The following IL1RAPL2 variants were observed in gnomAD, a reference collection of about 807,000 sequenced individuals.
The protein encoded by IL1RAPL2 is X-linked interleukin-1 receptor accessory protein-like 2.
Under a neutral mutation model 44.1 loss-of-function variants are expected in IL1RAPL2, and 3 were observed. The observed-to-expected ratio is 0.07, with a 90% CI of 0.03 to 0.18. The LOEUF is 0.18. Ranked by LOEUF, IL1RAPL2 falls within the 10% of genes least tolerant of loss-of-function variation. IL1RAPL2 has a pLI of 1.00. For synonymous variants in IL1RAPL2, 181 were observed against 178.8 expected (o/e 1.01, Z -0.10); for missense variants, 391 against 496.4 (o/e 0.79, Z 2.02).
chrX:104,869,213 T>G (rs1245762229), intron 2 of IL1RAPL2, among the ~76,000 whole-genome samples: 1 of 111,299 alleles, frequency 9.0e-6, no homozygotes, highest in East Asian at 2.8e-4. Context: ...TTTTTTATTT[T>G]TTATTATTTT....
chrX:104,835,354 A>T (rs1308388274), intron 2 of IL1RAPL2, among the ~76,000 whole-genome samples: 1 of 111,163 alleles, frequency 9.0e-6, no homozygotes, highest in Non-Finnish European at 1.9e-5. Context: ...CAGGCTAACT[A>T]AATGGATTTT....
intron 5 of IL1RAPL2, among the ~76,000 whole-genome samples, chrX:105,481,511 G>A (rs191773946): frequency 2.9e-3 from 323 of 112,247 alleles, no homozygotes; most frequent in South Asian, 0.016. Flanking sequence ...CGGAAGATAA[G>A]GGAAGGGGAA....
At chrX:105,675,729 G>T (rs992779922) in intron 6 of IL1RAPL2, among the ~76,000 whole-genome samples, 2 of 111,471 alleles carry the variant, frequency 1.8e-5, no homozygotes, top group African/African-American at 6.5e-5. Flanking sequence ...AGTTTCAGAA[G>T]AAATGGTATC....
chrX:105,523,742 T>C (rs570694766), intron 6 of IL1RAPL2, among the ~76,000 whole-genome samples: 17 of 110,840 alleles, frequency 1.5e-4, no homozygotes, highest in African/African-American at 5.6e-4. Context: ...AACGCTAGGA[T>C]ACATATTTTA....
chrX:104,664,284 T>C (rs1930451109), intron 2 of IL1RAPL2, among the ~76,000 whole-genome samples: 1 of 111,566 alleles, frequency 9.0e-6, no homozygotes. Context: ...CAGGGATCCA[T>C]AGAGGACCTC....
At chrX:105,695,291 G>T (rs2038067941) in intron 6 of IL1RAPL2, among the ~76,000 whole-genome samples, 3 of 111,804 alleles carry the variant, frequency 2.7e-5, no homozygotes, top group South Asian at 7.5e-4. Context: ...ACAAAAAGAG[G>T]TATCGTATTT....
intron 6 of IL1RAPL2, among the ~76,000 whole-genome samples, chrX:105,536,293 A>G (rs965856081): frequency 2.7e-5 from 3 of 110,658 alleles, no homozygotes; most frequent in African/African-American, 9.8e-5. Flanking sequence ...ATGTCATTAA[A>G]TAGTCTTCTT....
intron 2 of IL1RAPL2, among the ~76,000 whole-genome samples, chrX:104,784,282 T>C (rs1932788081): frequency 8.9e-6 from 1 of 112,175 alleles, no homozygotes; most frequent in African/African-American, 3.2e-5. Flanking sequence ...ATTCCACATT[T>C]ATTGGCTGAG....
intron 2 of IL1RAPL2, among the ~76,000 whole-genome samples, chrX:104,704,415 T>G (rs1051011692): frequency 1.3e-4 from 15 of 111,428 alleles, no homozygotes; most frequent in Admixed American, 1.2e-3. Flanking sequence ...GGGGTGAGTT[T>G]AGTGGGACAG....
chrX:105,113,049 A>G (rs1006779994), intron 2 of IL1RAPL2, among the ~76,000 whole-genome samples: 4 of 112,666 alleles, frequency 3.6e-5, no homozygotes, highest in Admixed American at 9.4e-5. Context: ...AAAAGCAAGC[A>G]TCTTTGCAGC....
At chrX:105,752,263 A>G (rs2038602996) in intron 9 of IL1RAPL2, among the ~76,000 whole-genome samples, 1 of 112,315 alleles carries the variant, frequency 8.9e-6, no homozygotes, top group Non-Finnish European at 1.9e-5. Flanking sequence ...AAGATTACAC[A>G]GTATTTGCTC....
At chrX:105,700,956 A>G (rs1449095832) in intron 6 of IL1RAPL2, among the ~76,000 whole-genome samples, 1 of 110,758 alleles carries the variant, frequency 9.0e-6, no homozygotes, top group East Asian at 2.9e-4. Flanking sequence ...TTTACCACCC[A>G]TAACTCTCCT....
chrX:105,542,724 TTTATTTA>T, intron 6 of IL1RAPL2, among the ~76,000 whole-genome samples: 1 of 95,583 alleles, frequency 1.0e-5, no homozygotes, highest in Admixed American at 1.1e-4. Context: ...TATTTATTTA[TTTATTTA>T]ATTTATTATT....
intron 2 of IL1RAPL2, among the ~76,000 whole-genome samples, chrX:104,821,041 T>C (rs190441760): frequency 8.0e-5 from 9 of 112,002 alleles, no homozygotes; most frequent in Non-Finnish European, 1.7e-4. Flanking sequence ...CACAAACTTA[T>C]TTTAACAAGG....
chrX:105,031,778 T>A (rs2031502955), intron 2 of IL1RAPL2, among the ~76,000 whole-genome samples: 2 of 111,260 alleles, frequency 1.8e-5, no homozygotes, highest in Admixed American at 9.5e-5. Flanking sequence ...AAGGGAGGAT[T>A]CCCTCTTTTT....
chrX:104,673,831 T>G (rs1020815609), intron 2 of IL1RAPL2, among the ~76,000 whole-genome samples: 3 of 108,851 alleles, frequency 2.8e-5, no homozygotes, highest in Non-Finnish European at 5.7e-5. Flanking sequence ...GTAAGTTGGA[T>G]TCCTAGGTAT....
At chrX:104,812,249 C>T (rs1386663883) in intron 2 of IL1RAPL2, among the ~76,000 whole-genome samples, 1 of 111,588 alleles carries the variant, frequency 9.0e-6, no homozygotes, top group Admixed American at 9.6e-5. Context: ...CAGAGTCCTA[C>T]ACTATTAGTG....
chrX:105,405,542 G>A lies in IL1RAPL2; in HGVS notation c.698-78771G>A, dbSNP rs770164190. 455 of 529,272 alleles carry A rather than the reference G, an allele frequency of 8.6e-4. 5 individuals are homozygous for A. The African/African-American group carries it at 0.01, about 12-fold the overall frequency. The allele number at this position is 529,272 out of a possible 1,213,427, so 43.6% of individuals were successfully genotyped here. On this transcript the variant is annotated intron_variant, in intron 5 of 10. Coordinates refer to ENST00000372582, the MANE Select transcript of IL1RAPL2 (RefSeq NM_017416.2). ...GGGCAGGAAGGTGGCAAAGGGAGGC[G>A]AATCCGAGTGGGTGGAGGGAGGGGA...
chrX:105,100,667 G>C (rs1297928488), intron 2 of IL1RAPL2, among the ~76,000 whole-genome samples: 1 of 111,881 alleles, frequency 8.9e-6, no homozygotes, highest in African/African-American at 3.2e-5. Context: ...GCTGATGACA[G>C]ACCTAATTCT....
Sources: gnomAD v4.1 joint callset for allele counts (sites outside exome capture counted in the v4.1 genomes callset) on GRCh38, gnomAD v4.1.1 for gene constraint, MANE v1.5 for transcripts, NCBI Gene and HGNC (gene_info 2026-07-23, HGNC 2026-07-21) for gene names.